The following KAZN variants were observed in gnomAD, a reference collection of about 807,000 sequenced individuals.
KAZN encodes kazrin.
A neutral mutation model predicts 87.4 loss-of-function variants in KAZN; 40 were observed. The ratio of observed to expected loss-of-function variants is 0.46; its 90% CI spans 0.36 to 0.60. The LOEUF (loss-of-function observed/expected upper bound fraction) is 0.60, where lower values mean the gene tolerates loss of function less well. KAZN is among the 20% of genes least tolerant of loss of function. KAZN has a pLI of 0.00. For synonymous variants in KAZN, 466 were observed against 458.3 expected (o/e 1.02, Z -0.22); for missense variants, 898 against 1,073.9 (o/e 0.84, Z 2.29).
intron 1 of KAZN, among the ~76,000 whole-genome samples, chr1:14,812,675 A>G (rs1281831373): frequency 1.3e-5 from 2 of 152,270 alleles, no homozygotes; most frequent in East Asian, 3.9e-4. Context: ...CACCATGCCC[A>G]GCTAATTTTT....
At chr1:14,138,826 G>A (rs1645168133) in intron 1 of KAZN, among the ~76,000 whole-genome samples, 1 of 152,182 alleles carries the variant, frequency 6.6e-6, no homozygotes, top group Non-Finnish European at 1.5e-5. Context: ...TGTTTCTAAT[G>A]CTAACAGATG....
At chr1:14,417,403 G>C (rs999317349) in intron 2 of KAZN, among the ~76,000 whole-genome samples, 2 of 152,164 alleles carry the variant, frequency 1.3e-5, no homozygotes, top group Non-Finnish European at 2.9e-5. Flanking sequence ...TGGAAGGAAA[G>C]ATACTTAATT....
chr1:14,702,233 G>T (rs1381748282), intron 1 of KAZN, among the ~76,000 whole-genome samples: 1 of 152,062 alleles, frequency 6.6e-6, no homozygotes, highest in Non-Finnish European at 1.5e-5. Flanking sequence ...CAGCTCAGGA[G>T]GTTGAAGAAG....
intron 2 of KAZN, among the ~76,000 whole-genome samples, chr1:14,330,664 G>A (rs749856403): frequency 3.3e-5 from 5 of 152,112 alleles, no homozygotes; most frequent in Non-Finnish European, 7.4e-5. Flanking sequence ...GTGTCTCTCT[G>A]CTTTGCAACA....
At chr1:14,763,196 T>G (rs1289119008) in intron 1 of KAZN, among the ~76,000 whole-genome samples, 2 of 152,212 alleles carry the variant, frequency 1.3e-5, no homozygotes, top group Non-Finnish European at 2.9e-5. Flanking sequence ...AGAGGGACCA[T>G]TCTGCATGCT....
At chr1:14,235,176 G>C (rs2486318) in intron 2 of KAZN, among the ~76,000 whole-genome samples, 144,268 of 151,840 alleles carry the variant, frequency 0.95, 68,613 homozygotes, top group East Asian at 1. Context: ...GTAGTATAAC[G>C]ACACAATGAA....
intron 2 of KAZN, among the ~76,000 whole-genome samples, chr1:14,215,953 A>C (rs1307893357): frequency 6.6e-6 from 1 of 152,214 alleles, no homozygotes; most frequent in Non-Finnish European, 1.5e-5. Context: ...ACTATATTTC[A>C]ATTTGTATTA....
intron 1 of KAZN, among the ~76,000 whole-genome samples, chr1:14,040,768 AAAATTAAAATAAAATAAAATTAAATT>A (rs1426013227): frequency 1.5e-5 from 2 of 129,188 alleles, no homozygotes; most frequent in South Asian, 2.6e-4. Flanking sequence ...TCATCTCAAA[AAAATTAAAATAAAATAAAATTAAATT>A]AAATTAAAAT....
intron 1 of KAZN, among the ~76,000 whole-genome samples, chr1:13,993,687 A>C (rs922957420): frequency 1.3e-5 from 2 of 152,236 alleles, no homozygotes; most frequent in Non-Finnish European, 2.9e-5. Flanking sequence ...ATTCAAAACA[A>C]AATGAAATAT....
intron 1 of KAZN, among the ~76,000 whole-genome samples, chr1:14,098,971 A>G (rs937704758): frequency 1.3e-5 from 2 of 152,052 alleles, no homozygotes; most frequent in African/African-American, 4.8e-5. Context: ...TAGGGCTTTT[A>G]CCATCTTCTC....
chr1:14,905,963 T>C (rs1174620724), intron 1 of KAZN, among the ~76,000 whole-genome samples: 1 of 150,246 alleles, frequency 6.7e-6, no homozygotes, highest in Non-Finnish European at 1.5e-5. Flanking sequence ...GGTCAGGAGA[T>C]CGAGGCCATC....
chr1:14,255,008 C>A (rs754661326), intron 2 of KAZN, among the ~76,000 whole-genome samples: 1 of 151,538 alleles, frequency 6.6e-6, no homozygotes, highest in Non-Finnish European at 1.5e-5. Context: ...GTAATCCCAC[C>A]TACTCAGGAG....
intron 2 of KAZN, among the ~76,000 whole-genome samples, chr1:14,229,445 CTG>C (rs1011091497): frequency 3.3e-5 from 5 of 152,230 alleles, no homozygotes; most frequent in African/African-American, 7.2e-5. Flanking sequence ...TATTTTATGT[CTG>C]TGTAACATAT....
At chr1:14,323,808 AGAT>A (rs1656215767) in intron 2 of KAZN, among the ~76,000 whole-genome samples, 1 of 152,184 alleles carries the variant, frequency 6.6e-6, no homozygotes, top group Non-Finnish European at 1.5e-5. Flanking sequence ...TTAGCAAAGG[AGAT>A]GATGGCTGTA....
intron 1 of KAZN, among the ~76,000 whole-genome samples, chr1:14,922,033 A>G (rs1256479494): frequency 6.6e-6 from 1 of 152,150 alleles, no homozygotes; most frequent in Non-Finnish European, 1.5e-5. Context: ...TTTTCTTGTT[A>G]TGGAGTTAAG....
chr1:14,173,850 T>G (rs1646010208), intron 1 of KAZN, among the ~76,000 whole-genome samples: 1 of 151,884 alleles, frequency 6.6e-6, no homozygotes, highest in Admixed American at 6.6e-5. Flanking sequence ...GACTTGGGAG[T>G]GGAATCAGCC....
chr1:14,430,511 T>C (rs1400194940), intron 2 of KAZN, among the ~76,000 whole-genome samples: 1 of 152,206 alleles, frequency 6.6e-6, no homozygotes, highest in East Asian at 1.9e-4. Context: ...ATGCACGATA[T>C]GATTTTTTTA....
At chr1:14,781,593 G>A (rs1379489776) in intron 1 of KAZN, among the ~76,000 whole-genome samples, 1 of 152,204 alleles carries the variant, frequency 6.6e-6, no homozygotes, top group Admixed American at 6.5e-5. Flanking sequence ...GATAGGAGGG[G>A]ACCTTCTCAG....
chr1:13,901,708 C>G (rs1639256727), intron 1 of KAZN, among the ~76,000 whole-genome samples: 1 of 152,260 alleles, frequency 6.6e-6, no homozygotes, highest in South Asian at 2.1e-4. Context: ...CTACCGGCAT[C>G]AGCGATACTC....
Sources: gnomAD v4.1 joint callset for allele counts (sites outside exome capture counted in the v4.1 genomes callset) on GRCh38, gnomAD v4.1.1 for gene constraint, MANE v1.5 for transcripts, NCBI Gene and HGNC (gene_info 2026-07-23, HGNC 2026-07-21) for gene names.